The following CD1D variants were observed in gnomAD, a reference collection of about 807,000 sequenced individuals.
CD1D encodes the protein CD1d molecule.
Under a neutral mutation model 42.1 loss-of-function variants are expected in CD1D, and 40 were observed. The ratio of observed to expected loss-of-function variants is 0.95; its 90% CI spans 0.74 to 1.24. The LOEUF is 1.24. Ranked by LOEUF, CD1D falls within the 50% of genes most tolerant of loss-of-function variation. CD1D has a pLI of 0.00. For synonymous variants in CD1D, 178 were observed against 171.8 expected, an observed-to-expected ratio of 1.04 and a Z score of -0.28; for missense variants, 437 against 416.5, an observed-to-expected ratio of 1.05 and a Z score of -0.43.
At position 158,183,027 on chromosome 1, in the gene CD1D, A is replaced by T. The variant is rs764352305; in HGVS notation, c.757A>T (p.Ile253Phe). The change falls in exon 4 of 6, where the codon ATC (isoleucine) becomes TTC (phenylalanine). Residue 253 changes from isoleucine (I) to phenylalanine (F), a missense_variant. By Grantham distance (21) the Ile-to-Phe change is conservative. Coordinates refer to ENST00000674085, the MANE Select transcript of CD1D (RefSeq NM_001371762.2). The part of the protein sequence containing the change: ...QEQQGTQPGD[I>F]LPNADETWYL... ...GCAGCAGGGCACTCAGCCAGGGGAC[A>T]TCCTGCCCAATGCTGACGAGACATG... is the stretch of plus-strand genomic sequence containing the variant. 6.2e-7 allele frequency: 1 copy of T among 1,614,152 alleles called. No homozygotes were observed. The highest frequency in any genetic ancestry group is 8.5e-7 in the Non-Finnish European group (1 of 1,179,988).
intron 3 of CD1D, 49 bp downstream of exon 3, chr1:158,182,359 G>A (rs368477455): frequency 6.9e-6 from 11 of 1,605,582 alleles, no homozygotes; most frequent in African/African-American, 6.7e-5. Flanking sequence ...GGCTCCAAAC[G>A]GGCTTTTCCA....
In CD1D at chr1:158,182,210, C is replaced by A; in HGVS notation, c.507C>A (p.Asp169Glu). 6.2e-7 allele frequency: 1 copy of A among 1,614,190 alleles called. No individual in the cohort carries two copies. The highest frequency in any genetic ancestry group is 8.5e-7 in the Non-Finnish European group (1 of 1,180,032). The part of the protein sequence containing the change: ...VNLAIQVLNQ[D>E]KWTRETVQWL... ...TGGCCATTCAAGTGCTCAACCAGGA[C>A]AAGTGGACGAGGGAAACAGTGCAGT... The change falls in exon 3 of 6, where the codon GAC becomes GAA. Residue 169 changes from aspartate to glutamate, a missense_variant. Coordinates refer to ENST00000674085, the MANE Select transcript of CD1D (RefSeq NM_001371762.2).
chr1:158,183,613 A>C (rs1005137200), intron 4 of CD1D, among the ~76,000 whole-genome samples: 4 of 152,206 alleles, frequency 2.6e-5, no homozygotes, highest in Non-Finnish European at 4.4e-5. Flanking sequence ...ATAGATGAGG[A>C]AATGAAGGCG....
In CD1D at chr1:158,183,946, C is replaced by T. The variant is rs1233337576; in HGVS notation, c.897C>T (p.Tyr299=). The change falls in exon 5 of 6, where the codon TAC becomes TAT. Residue 299 remains tyrosine, a synonymous_variant. Coordinates refer to ENST00000674085, the MANE Select transcript of CD1D (RefSeq NM_001371762.2). ...QDIVLYWGGS[Y]TSMGLIALAV... is the part of the protein sequence containing the mutation. The stretch of plus-strand genomic sequence containing the variant: ...GTTCCTCCAGAGCAGGTGGGAGCTA[C>T]ACCTCCATGGGCTTGATTGCCTTGG... 4 of 1,613,868 alleles carry T rather than the reference C, an allele frequency of 2.5e-6. No individual in the cohort carries two copies. The highest frequency in any genetic ancestry group is 3.4e-6 in the Non-Finnish European group (4 of 1,179,830).
intron 3 of CD1D, chr1:158,182,554 AG>A: frequency 1.7e-6 from 1 of 601,302 alleles, no homozygotes; most frequent in Non-Finnish European, 2.9e-6. Context: ...CCTGCTTGGT[AG>A]GGGGATGTTA....
rs376106290 is a variant in CD1D at position 158,182,207 on chromosome 1, G to A, written c.504G>A (p.Gln168=). Residue 168 remains glutamine (Q), a synonymous_variant, in exon 3 of 6, where the codon CAG becomes CAA. Coordinates refer to ENST00000674085, the MANE Select transcript of CD1D (RefSeq NM_001371762.2). ...WVNLAIQVLN[Q]DKWTRETVQW... Reference sequence around the variant, plus strand: ...ACTTGGCCATTCAAGTGCTCAACCAGGACAAGTGGACGAGGGAAACAGTGC... The same window carrying A: ...ACTTGGCCATTCAAGTGCTCAACCAAGACAAGTGGACGAGGGAAACAGTGC... 3 of 1,614,182 alleles carry A rather than the reference G, an allele frequency of 1.9e-6. No homozygotes were observed. Among genetic ancestry groups the A allele is most frequent in the Non-Finnish European group, 2.5e-6 (3 of 1,180,024 alleles).
Position 158,182,145 on chromosome 1 carries a change from T to G in CD1D, c.442T>G (p.Ser148Ala). The G allele has an allele frequency of 6.2e-7, 1 of 1,614,156 alleles. No homozygotes were observed. ...GKDILSFQGT[S>A]WEPTQEAPLW... ...AGATATCCTGAGTTTCCAAGGAACTTCTTGGGAGCCAACCCAAGAGGCCCC... is the reference window on the plus strand; with the variant it reads ...AGATATCCTGAGTTTCCAAGGAACTGCTTGGGAGCCAACCCAAGAGGCCCC... Residue 148 changes from serine (S) to alanine (A), a missense_variant, in exon 3 of 6, where the codon TCT becomes GCT. Physicochemically the swap from Ser to Ala is moderately conservative, Grantham distance 99. Transcript: ENST00000674085.
chr1:158,181,304 C>T (rs1190941982), intron 1 of CD1D, 142 bp downstream of exon 1: 16 of 1,433,320 alleles, frequency 1.1e-5, no homozygotes, highest in South Asian at 5.1e-5. Flanking sequence ...CTCGCTGCTC[C>T]CTGGCTCCGG....
chr1:158,181,552 G>A lies in CD1D; in HGVS notation c.159G>A (p.Leu53=). The change falls in exon 2 of 6, where the codon CTG becomes CTA. Residue 53 remains leucine, a synonymous_variant. Coordinates refer to ENST00000674085, the MANE Select transcript of CD1D (RefSeq NM_001371762.2). ...ACGGCTTGGCGTGGCTGGGGGAGCT[G>A]CAGACGCACAGCTGGAGCAACGACT... ...RTDGLAWLGE[L]QTHSWSNDSD... 6.2e-7 allele frequency: 1 copy of A among 1,614,162 alleles called. No individual in the cohort carries two copies. Among genetic ancestry groups the A allele is most frequent in the Non-Finnish European group, 8.5e-7 (1 of 1,180,034 alleles).
intron 1 of CD1D, 47 bp from the exon 2 acceptor site, chr1:158,181,408 C>T (rs1432184857): frequency 6.2e-7 from 1 of 1,602,874 alleles, no homozygotes; most frequent in Non-Finnish European, 8.5e-7. Flanking sequence ...ATGCTGGCTG[C>T]TCTCCCGGCC....
In CD1D at chr1:158,185,968, G is replaced by A. The variant is rs923500439; in HGVS notation, c.*1818G>A. Among the ~76,000 whole-genome samples the A allele has an allele frequency of 1.2e-4, 18 of 152,270 alleles. No homozygotes were observed. Among genetic ancestry groups the A allele is most frequent in the Middle Eastern group, 3.4e-3 (1 of 294 alleles). On this transcript the variant is annotated 3_prime_UTR_variant, in exon 6 of 6. Coordinates refer to ENST00000674085, the MANE Select transcript of CD1D (RefSeq NM_001371762.2). ...TAAGTGAAAAGGACATTGGCCTGGC[G>A]TTAGTCAGGGAAGGCGTCCTGGAGG... is the stretch of plus-strand genomic sequence containing the variant.
chr1:158,184,218 C>T lies in CD1D; in HGVS notation c.*68C>T. 2.0e-6 allele frequency: 3 copies of T among 1,484,648 alleles called. No individual in the cohort carries two copies. The highest frequency in any genetic ancestry group is 2.3e-5 in the East Asian group (1 of 44,298). 92.0% of individuals were successfully genotyped at this position (1,484,648 alleles called of 1,614,324 possible). On this transcript the variant is annotated 3_prime_UTR_variant, in exon 6 of 6. Coordinates refer to ENST00000674085, the MANE Select transcript of CD1D (RefSeq NM_001371762.2). ...GACCTCAGGTTCCTAAGACTTCAGT[C>T]CTGGTCTGCTCAGGAATTGAAGATG... is the stretch of plus-strand genomic sequence containing the variant.
At chr1:158,179,465 A>G (rs1648294258), upstream of CD1D, among the ~76,000 whole-genome samples, 1 of 152,212 alleles carries the variant, frequency 6.6e-6, no homozygotes, top group Non-Finnish European at 1.5e-5. Context: ...GAATCAGATT[A>G]TGGAGACATG....
rs1423786049 is a variant in CD1D at position 158,185,850 on chromosome 1, C to T, written c.*1700C>T. Among the ~76,000 whole-genome samples the T allele has an allele frequency of 6.6e-6, 1 of 152,196 alleles. No individual in the cohort carries two copies. The highest frequency in any genetic ancestry group is 2.4e-5 in the African/African-American group (1 of 41,460). On this transcript the variant is annotated 3_prime_UTR_variant, in exon 6 of 6. Coordinates refer to ENST00000674085, the MANE Select transcript of CD1D (RefSeq NM_001371762.2). ...TGAGTCTGGAAGCAGGCTCAATAGT[C>T]AAGCCCCCTGGTGATTCTGATGCTT...
At position 158,185,166 on chromosome 1, in the gene CD1D, C is replaced by T. The variant is rs1648653254; in HGVS notation, c.*1016C>T. Among the ~76,000 whole-genome samples, 1 of 152,110 alleles carries T rather than the reference C, an allele frequency of 6.6e-6. No homozygotes were observed. Among genetic ancestry groups the T allele is most frequent in the Non-Finnish European group, 1.5e-5 (1 of 68,024 alleles). On this transcript the variant is annotated 3_prime_UTR_variant, in exon 6 of 6. Coordinates refer to ENST00000674085, the MANE Select transcript of CD1D (RefSeq NM_001371762.2). ...TGTTCTTATCTTAGAGAGGACAGAG[C>T]AGGAAACTTACAGGGGTAGCAGACC...
rs776594739 is a variant in CD1D, at chr1:158,182,157, ACCCAAGAGGC to A, written c.459_468del (p.Gln153HisfsTer4). Reference sequence around the variant, plus strand: ...TTTCCAAGGAACTTCTTGGGAGCCAACCCAAGAGGCCCCACTTTGGGTAAACTTGGCCATT... The same window carrying A: ...TTTCCAAGGAACTTCTTGGGAGCCAACCCACTTTGGGTAAACTTGGCCATT... On this transcript the variant is annotated frameshift_variant, in exon 3 of 6. Coordinates refer to ENST00000674085, the MANE Select transcript of CD1D (RefSeq NM_001371762.2). LOFTEE classifies it high-confidence loss of function. 12 of 1,614,140 alleles carry A rather than the reference ACCCAAGAGGC, an allele frequency of 7.4e-6. No homozygotes were observed. In the African/African-American group the frequency reaches 1.6e-4, roughly 22 times the overall value.
chr1:158,179,071 T>C (rs1648279218), upstream of CD1D, among the ~76,000 whole-genome samples: 1 of 152,154 alleles, frequency 6.6e-6, no homozygotes, highest in Non-Finnish European at 1.5e-5. Context: ...ATGTTAGCAC[T>C]TAAAATTTTT....
In CD1D at chr1:158,184,314, C is replaced by T; in HGVS notation, c.*164C>T. 1 of 681,714 alleles carries T rather than the reference C, an allele frequency of 1.5e-6. No individual in the cohort carries two copies. Among genetic ancestry groups the T allele is most frequent in the Non-Finnish European group, 2.6e-6 (1 of 389,888 alleles). 42.2% of individuals were successfully genotyped at this position (681,714 alleles called of 1,614,324 possible). A position where few individuals can be genotyped will look rare whatever the true frequency, so the allele number is the denominator to read the frequency against. ...GTCATGAGGCAGCTTTCATCACACCCTTTTAACATTTATCTAAAAGAATTT... is the reference window on the plus strand; with the variant it reads ...GTCATGAGGCAGCTTTCATCACACCTTTTTAACATTTATCTAAAAGAATTT... On this transcript the variant is annotated 3_prime_UTR_variant, in exon 6 of 6. Coordinates refer to ENST00000674085, the MANE Select transcript of CD1D (RefSeq NM_001371762.2).
intron 3 of CD1D, 96 bp downstream of exon 3, chr1:158,182,406 A>G (rs1179917420): frequency 7.3e-7 from 1 of 1,372,340 alleles, no homozygotes; most frequent in South Asian, 1.2e-5. Flanking sequence ...TTCAAAGAAG[A>G]GGAAGGCCCA....
Sources: allele counts gnomAD v4.1 joint callset (sites outside exome capture counted in the v4.1 genomes callset), GRCh38; gene constraint gnomAD v4.1.1; transcripts MANE v1.5; gene names NCBI Gene and HGNC (gene_info 2026-07-23, HGNC 2026-07-21).